The following IKZF2 variants were observed in gnomAD, a reference collection of about 807,000 sequenced individuals.
The protein encoded by IKZF2 is zinc finger protein Helios.
IKZF2 carries 15 observed loss-of-function variants against 49.2 expected under a neutral mutation model. The observed-to-expected ratio is 0.30, with a 90% CI of 0.20 to 0.47. IKZF2 has a LOEUF of 0.47. Among genes scored for constraint, IKZF2 ranks in the 20% least tolerant of loss-of-function variants. The probability of loss-of-function intolerance (pLI) is 1.00; values close to 1 mark genes in which losing one functional copy is unlikely to be tolerated. For missense variants in IKZF2, 567 were observed against 664.6 expected (o/e 0.85, Z 1.61); for synonymous variants, 227 against 221.4 (o/e 1.03, Z -0.23).
chr2:213,021,393 G>C (rs1478421944), intron 7 of IKZF2: 1 of 164,876 alleles, frequency 6.1e-6, no homozygotes, highest in Non-Finnish European at 1.3e-5. Flanking sequence ...CCTATATAAG[G>C]CTGATTATTA....
Position 213,142,404 on chromosome 2 carries a change from C to T in IKZF2, c.139+5304G>A, listed in dbSNP as rs962474836. Reference sequence around the variant, plus strand: ...AGAAAAGAGCAAAAGACCCAGATTTCAAATAGACTTGGATTTGAAAACAAA... The same window carrying T: ...AGAAAAGAGCAAAAGACCCAGATTTTAAATAGACTTGGATTTGAAAACAAA... On this transcript the variant is annotated intron_variant, in intron 4 of 8. Transcript: ENST00000434687. 5.3e-5 allele frequency among the ~76,000 whole-genome samples: 8 copies of T among 151,894 alleles called. No individual in the cohort carries two copies. In the South Asian group the frequency reaches 1.7e-3, roughly 32 times the overall value.
intron 6 of IKZF2, among the ~76,000 whole-genome samples, chr2:213,047,068 C>G (rs1257589791): frequency 6.6e-5 from 10 of 152,086 alleles, no homozygotes; most frequent in Non-Finnish European, 1.0e-4. Flanking sequence ...TTGACTCTTT[C>G]CAACATGGAA....
intron 6 of IKZF2, among the ~76,000 whole-genome samples, chr2:213,044,373 C>T (rs1031971117): frequency 1.3e-5 from 2 of 152,162 alleles, no homozygotes; most frequent in African/African-American, 4.8e-5. Context: ...GAGTGTCTTA[C>T]TGTTTTCTTG....
At chr2:213,129,255 C>G (rs1230955336) in intron 4 of IKZF2, among the ~76,000 whole-genome samples, 1 of 149,888 alleles carries the variant, frequency 6.7e-6, no homozygotes, top group African/African-American at 2.5e-5. Context: ...AATTCAGATA[C>G]TATTAAGTAT....
chr2:213,042,137 T>C (rs888840231), intron 6 of IKZF2, among the ~76,000 whole-genome samples: 6 of 116,212 alleles, frequency 5.2e-5, no homozygotes, highest in African/African-American at 1.7e-4. Context: ...AGACAGCACA[T>C]TTTTTTTTTC....
intron 4 of IKZF2, among the ~76,000 whole-genome samples, chr2:213,134,973 A>G (rs1018429153): frequency 1.3e-5 from 2 of 152,060 alleles, no homozygotes; most frequent in Non-Finnish European, 2.9e-5. Context: ...GCTTTCTTCT[A>G]TGCTCTCTAT....
intron 4 of IKZF2, among the ~76,000 whole-genome samples, chr2:213,126,954 C>A (rs2060284405): frequency 6.6e-6 from 1 of 152,184 alleles, no homozygotes; most frequent in South Asian, 2.1e-4. Context: ...ATAAACCTAT[C>A]ACAGCCCATA....
chr2:213,130,857 A>G (rs1411177208), intron 4 of IKZF2, among the ~76,000 whole-genome samples: 1 of 152,190 alleles, frequency 6.6e-6, no homozygotes, highest in Non-Finnish European at 1.5e-5. Context: ...ACGTTAAAGA[A>G]AACAGTGAAA....
In IKZF2 at chr2:213,000,421, T is replaced by TAATTACC. The variant is rs1694793795; in HGVS notation, c.*6932_*6938dup. The stretch of plus-strand genomic sequence containing the variant: ...CAAGCAATTAGTCTTTAAAATAGTC[T>TAATTACC]AATTACCTTTGGTATTGTTAAAGAA... On this transcript the variant is annotated 3_prime_UTR_variant, in exon 9 of 9. Transcript: ENST00000434687. 1.3e-5 allele frequency: 2 copies of TAATTACC among 151,686 alleles called. No homozygotes were observed. The highest frequency in any genetic ancestry group is 3.0e-5 in the Non-Finnish European group (2 of 67,580). The allele number at this position is 151,686 out of a possible 1,614,324, so 9.4% of individuals were successfully genotyped here. A position where few individuals can be genotyped will look rare whatever the true frequency, so the allele number is the denominator to read the frequency against.
chr2:213,103,048 C>T (rs999577918), intron 4 of IKZF2, among the ~76,000 whole-genome samples: 2 of 152,076 alleles, frequency 1.3e-5, no homozygotes, highest in Non-Finnish European at 2.9e-5. Context: ...TAATAAGTAA[C>T]CACGTTACTC....
intron 4 of IKZF2, among the ~76,000 whole-genome samples, chr2:213,069,730 A>G (rs1702509813): frequency 6.6e-6 from 1 of 152,098 alleles, no homozygotes; most frequent in Non-Finnish European, 1.5e-5. Flanking sequence ...TTCCATTACT[A>G]CACTGCCTAA....
chr2:213,082,201 A>G (rs966610071), intron 4 of IKZF2, among the ~76,000 whole-genome samples: 3 of 152,222 alleles, frequency 2.0e-5, no homozygotes, highest in African/African-American at 7.2e-5. Flanking sequence ...CATGAAATCA[A>G]GCAGCAATAA....
chr2:213,000,827 G>A lies in IKZF2; in HGVS notation c.*6533C>T, dbSNP rs1317498114. On this transcript the variant is annotated 3_prime_UTR_variant, in exon 9 of 9. Transcript: ENST00000434687. ...GTTCTTAATTTAGAGCATTGGGCGA[G>A]GGTCTAAGAAGATTCAATCTGTAAA... 1 of 151,508 alleles carries A rather than the reference G, an allele frequency of 6.6e-6. No individual in the cohort carries two copies. Among genetic ancestry groups the A allele is most frequent in the Non-Finnish European group, 1.5e-5 (1 of 67,580 alleles). 9.4% of individuals were successfully genotyped at this position (151,508 alleles called of 1,614,324 possible).
intron 4 of IKZF2, chr2:213,147,369 T>C (rs1311170380): frequency 5.7e-6 from 3 of 528,480 alleles, no homozygotes; most frequent in African/African-American, 1.9e-5. Flanking sequence ...GAAGAGTCCT[T>C]TGGAAGTGAC....
At chr2:213,102,492 T>C (rs1706810344) in intron 4 of IKZF2, among the ~76,000 whole-genome samples, 2 of 152,052 alleles carry the variant, frequency 1.3e-5, no homozygotes, top group South Asian at 4.2e-4. Flanking sequence ...TGGGAGGTTG[T>C]TTTTACACCT....
chr2:213,128,804 C>CTTTTTTTTTTTTTTTTTTTTT (rs1184422126), intron 4 of IKZF2, among the ~76,000 whole-genome samples: 2 of 113,182 alleles, frequency 1.8e-5, no homozygotes, highest in African/African-American at 3.3e-5. Context: ...ATTTTTTTTT[C>CTTTTTTTTTTTTTTTTTTTTT]TTTTTTTTTT....
upstream of IKZF2, chr2:213,152,054 G>A (rs1189852987): frequency 6.6e-6 from 1 of 152,078 alleles, no homozygotes; most frequent in African/African-American, 2.4e-5. Flanking sequence ...CCCCGACGGG[G>A]GCCAGGTAAC....
chr2:213,012,463 C>A (rs1559160879), intron 8 of IKZF2, among the ~76,000 whole-genome samples: 1 of 151,654 alleles, frequency 6.6e-6, no homozygotes, highest in African/African-American at 2.4e-5. Flanking sequence ...TGACATCCAA[C>A]AAAAAAATCA....
chr2:213,011,168 C>A (rs1453885713), intron 8 of IKZF2, among the ~76,000 whole-genome samples: 1 of 149,982 alleles, frequency 6.7e-6, no homozygotes, highest in Non-Finnish European at 1.5e-5. Context: ...AAACAGGTTG[C>A]ATGGACTTGG....
Sources: allele counts gnomAD v4.1 joint callset (sites outside exome capture counted in the v4.1 genomes callset), GRCh38; gene constraint gnomAD v4.1.1; transcripts MANE v1.5; gene names NCBI Gene and HGNC (gene_info 2026-07-23, HGNC 2026-07-21).